The following PCNX1 variants were observed in gnomAD, a reference collection of about 807,000 sequenced individuals.
The protein encoded by PCNX1 is pecanex 1.
PCNX1 carries 78 observed loss-of-function variants against 242.2 expected under a neutral mutation model. The ratio of observed to expected loss-of-function variants is 0.32; its 90% confidence interval spans 0.27 to 0.39. The LOEUF is 0.39. PCNX1 is among the 10% of genes least tolerant of loss of function. PCNX1 has a pLI of 1.00. For missense variants in PCNX1, 2,581 were observed against 2,856.5 expected, an observed-to-expected ratio of 0.90 and a Z score of 2.20; for synonymous variants, 1,024 against 1,032.9, an observed-to-expected ratio of 0.99 and a Z score of 0.17.
chr14:70,947,002 C>T lies in PCNX1; in HGVS notation c.241C>T (p.Leu81=), dbSNP rs1207554307. The T allele has an allele frequency of 1.2e-6, 2 of 1,613,740 alleles. No individual in the cohort carries two copies. Among genetic ancestry groups the T allele is most frequent in the Non-Finnish European group, 1.7e-6 (2 of 1,179,706 alleles). ...TGTTCTGAAGATGGTCAACTATCGA[C>T]TACACAGAGCACTTGATGCTGGAGA... is the stretch of plus-strand genomic sequence containing the variant. ...FIVLKMVNYR[L]HRALDAGEVV... Residue 81 remains leucine, a synonymous_variant, in exon 2 of 36, where the codon CTA becomes TTA. Coordinates refer to ENST00000304743, the MANE Select transcript of PCNX1 (RefSeq NM_014982.3).
intron 16 of PCNX1, among the ~76,000 whole-genome samples, chr14:71,030,043 GAATT>G (rs1047130341): frequency 9.9e-5 from 15 of 152,140 alleles, no homozygotes; most frequent in African/African-American, 3.6e-4. Context: ...CCTAGAAATG[GAATT>G]AACAGTTTTC....
intron 11 of PCNX1, among the ~76,000 whole-genome samples, chr14:71,017,996 A>T (rs540590532): frequency 9.2e-5 from 14 of 152,304 alleles, no homozygotes; most frequent in African/African-American, 2.9e-4. Context: ...AGAAAATTTA[A>T]ATATGTACAA....
intron 5 of PCNX1, among the ~76,000 whole-genome samples, chr14:70,975,057 G>T (rs2058653585): frequency 6.6e-6 from 1 of 152,066 alleles, no homozygotes; most frequent in Admixed American, 6.5e-5. Context: ...TAATTTATCA[G>T]AAGGAAGTTG....
intron 7 of PCNX1, among the ~76,000 whole-genome samples, chr14:70,994,396 G>GATATATGTGTGTGTAT (rs1371763584): frequency 1.0e-5 from 1 of 96,972 alleles, no homozygotes; most frequent in African/African-American, 3.8e-5. Flanking sequence ...ACAGGCTTAA[G>GATATATGTGTGTGTAT]ATATATATAT....
At chr14:71,004,463 A>G (rs762531510) in intron 8 of PCNX1, among the ~76,000 whole-genome samples, 9 of 152,184 alleles carry the variant, frequency 5.9e-5, no homozygotes, top group South Asian at 2.1e-4. Context: ...CCTATTGTAA[A>G]CTGCACATGC....
intron 3 of PCNX1, 34 bp downstream of exon 3, chr14:70,962,365 C>T (rs2058246278): frequency 8.6e-7 from 1 of 1,160,966 alleles, no homozygotes; most frequent in South Asian, 1.2e-5. Context: ...TTGCCTTTTT[C>T]CCTCCTCCTG....
At chr14:71,035,988 T>G in intron 18 of PCNX1, 77 bp from the exon 19 acceptor site, 2 of 956,508 alleles carry the variant, frequency 2.1e-6, no homozygotes, top group East Asian at 5.1e-5. Context: ...TTCTTAAACT[T>G]TGCCAATTGG....
At chr14:70,944,526 A>G (rs1197927080) in intron 1 of PCNX1, among the ~76,000 whole-genome samples, 1 of 152,242 alleles carries the variant, frequency 6.6e-6, no homozygotes, top group Non-Finnish European at 1.5e-5. Flanking sequence ...ACAGGCTTAT[A>G]GGTGGAAGTG....
rs534894403 is a variant in PCNX1, at chr14:71,114,489, A to G, written c.*4554A>G. 11 of 152,498 alleles carry G rather than the reference A, an allele frequency of 7.2e-5. No individual in the cohort carries two copies. Among genetic ancestry groups the G allele is most frequent in the Non-Finnish European group, 1.3e-4 (9 of 68,024 alleles). 9.4% of individuals were successfully genotyped at this position (152,498 alleles called of 1,614,324 possible). A position where few individuals can be genotyped will look rare whatever the true frequency, so the allele number is the denominator to read the frequency against. On this transcript the variant is annotated 3_prime_UTR_variant, in exon 36 of 36. Transcript: ENST00000304743. ...TCATCTGTCAAGAATTATGTATAAC[A>G]ATTTATCTTTATTGCCTACATACAA...
chr14:71,065,308 A>G (rs1484542284), intron 26 of PCNX1, among the ~76,000 whole-genome samples: 1 of 152,170 alleles, frequency 6.6e-6, no homozygotes, highest in Admixed American at 6.5e-5. Flanking sequence ...AATGATCGCC[A>G]TTGTAACTGG....
At chr14:71,064,534 T>G (rs2061401922) in intron 26 of PCNX1, among the ~76,000 whole-genome samples, 1 of 152,156 alleles carries the variant, frequency 6.6e-6, no homozygotes, top group Non-Finnish European at 1.5e-5. Context: ...ATTTCGTCAT[T>G]TAAAAATCTT....
chr14:71,042,383 C>A (rs1271014365), intron 19 of PCNX1, among the ~76,000 whole-genome samples: 1 of 151,930 alleles, frequency 6.6e-6, no homozygotes, highest in African/African-American at 2.4e-5. Context: ...AATTGTTATA[C>A]CCTTTTCTGA....
At chr14:70,979,327 T>C (rs1220445020) in intron 6 of PCNX1, among the ~76,000 whole-genome samples, 2 of 152,200 alleles carry the variant, frequency 1.3e-5, no homozygotes, top group African/African-American at 4.8e-5. Flanking sequence ...GATGGTGTTC[T>C]GGTTAAAGTA....
chr14:70,955,175 C>T (rs973136500), intron 2 of PCNX1, among the ~76,000 whole-genome samples: 3 of 152,098 alleles, frequency 2.0e-5, no homozygotes, highest in African/African-American at 7.2e-5. Context: ...CAGGAAGTAA[C>T]ATTGAATTTT....
At chr14:70,930,674 C>G (rs1422006212) in intron 1 of PCNX1, among the ~76,000 whole-genome samples, 4 of 152,066 alleles carry the variant, frequency 2.6e-5, no homozygotes, top group Non-Finnish European at 4.4e-5. Context: ...ACTTGTAAAC[C>G]AGTTGCCTTT....
intron 11 of PCNX1, among the ~76,000 whole-genome samples, chr14:71,016,042 C>A (rs1373550483): frequency 3.3e-5 from 5 of 151,936 alleles, no homozygotes; most frequent in African/African-American, 1.2e-4. Flanking sequence ...AAAATAAAAA[C>A]AAATAGGTTA....
chr14:70,926,666 G>A (rs147067737), intron 1 of PCNX1, among the ~76,000 whole-genome samples: 6 of 152,150 alleles, frequency 3.9e-5, no homozygotes, highest in Non-Finnish European at 7.4e-5. Context: ...TGCCCACAGC[G>A]AGGAACATTG....
chr14:71,011,126 A>G (rs2059809723), intron 9 of PCNX1, among the ~76,000 whole-genome samples: 1 of 152,164 alleles, frequency 6.6e-6, no homozygotes, highest in African/African-American at 2.4e-5. Context: ...AGGTTATTAC[A>G]TTATAGCTTA....
chr14:71,069,949 A>G (rs866601142), intron 26 of PCNX1, among the ~76,000 whole-genome samples: 1 of 152,178 alleles, frequency 6.6e-6, no homozygotes, highest in African/African-American at 2.4e-5. Flanking sequence ...GCATTTGCCC[A>G]TAGTATGATT....
Sources: gnomAD v4.1 joint callset for allele counts (sites outside exome capture counted in the v4.1 genomes callset) on GRCh38, gnomAD v4.1.1 for gene constraint, MANE v1.5 for transcripts, NCBI Gene and HGNC (gene_info 2026-07-23, HGNC 2026-07-21) for gene names.